Variants in YWHAE observed in about 807,000 individuals in gnomAD.
The protein encoded by YWHAE is 14-3-3 protein epsilon.
A neutral mutation model predicts 30.1 loss-of-function variants in YWHAE; 4 were observed. That is an observed-to-expected ratio of 0.13 (90% CI 0.07 to 0.30). The LOEUF (loss-of-function observed/expected upper bound fraction) is 0.30. YWHAE is among the 10% of genes least tolerant of loss of function. The pLI is 1.00. For missense variants in YWHAE, 121 were observed against 315.9 expected (o/e 0.38, Z 4.68); for synonymous variants, 118 against 111.8 (o/e 1.06, Z -0.35).
intron 4 of YWHAE, among the ~76,000 whole-genome samples, chr17:1,359,995 C>T (rs1030385274): frequency 6.6e-6 from 1 of 150,966 alleles, no homozygotes; most frequent in South Asian, 2.1e-4. Context: ...AAAAGTCTCA[C>T]TGTGTCACCC....
chr17:1,368,145 G>C (rs1233162172), intron 1 of YWHAE, among the ~76,000 whole-genome samples: 1 of 152,084 alleles, frequency 6.6e-6, no homozygotes. Flanking sequence ...CCAACACTTT[G>C]GGAGGCCGAG....
At chr17:1,399,878 T>G in intron 1 of YWHAE, 169 bp downstream of exon 1, 1 of 783,506 alleles carries the variant, frequency 1.3e-6, no homozygotes, top group Non-Finnish European at 2.2e-6. Flanking sequence ...TTCCAGGGCA[T>G]AGAGCCTCCC....
chr17:1,364,889 C>T lies in YWHAE; in HGVS notation c.234G>A (p.Lys78=), dbSNP rs750467382. Residue 78 remains lysine, a synonymous_variant, in exon 2 of 6, where the codon AAG becomes AAA. Coordinates refer to ENST00000264335, the MANE Select transcript of YWHAE (RefSeq NM_006761.5). The stretch of plus-strand genomic sequence containing the variant: ...GCCGATATTCCCGAATCATTTTTAG[C>T]TTGTCTTCTCCTCCCTTGTTTTCTT... The part of the protein sequence containing the change: ...QKEENKGGED[K]LKMIREYRQM... The T allele has an allele frequency of 2.5e-6, 4 of 1,614,070 alleles. No individual in the cohort carries two copies. The highest frequency in any genetic ancestry group is 1.3e-5 in the African/African-American group (1 of 75,046).
chr17:1,376,833 T>C (rs998386390), intron 1 of YWHAE, among the ~76,000 whole-genome samples: 1 of 152,090 alleles, frequency 6.6e-6, no homozygotes, highest in African/African-American at 2.4e-5. Flanking sequence ...AAAAGCAAAC[T>C]GTTCAGAATC....
intron 2 of YWHAE, among the ~76,000 whole-genome samples, chr17:1,364,338 T>C: frequency 6.6e-6 from 1 of 151,936 alleles, no homozygotes; most frequent in East Asian, 1.9e-4. Flanking sequence ...ACCATTCTCC[T>C]GCCTCAGCCT....
intron 1 of YWHAE, among the ~76,000 whole-genome samples, chr17:1,394,839 C>T (rs1182186471): frequency 6.7e-6 from 1 of 149,820 alleles, no homozygotes; most frequent in Non-Finnish European, 1.5e-5. Flanking sequence ...CGATGGCGGG[C>T]GCCTGTAGTC....
At chr17:1,396,910 C>T (rs1158879130) in intron 1 of YWHAE, among the ~76,000 whole-genome samples, 1 of 151,530 alleles carries the variant, frequency 6.6e-6, no homozygotes, top group African/African-American at 2.4e-5. Flanking sequence ...GCATGAGCCA[C>T]CGCACCTGGC....
chr17:1,365,331 T>C (rs926348746), intron 1 of YWHAE, among the ~76,000 whole-genome samples: 2 of 152,072 alleles, frequency 1.3e-5, no homozygotes, highest in East Asian at 1.9e-4. Flanking sequence ...AAAGCACCTC[T>C]CATTAAATAA....
chr17:1,354,991 TTTTTTTA>T, intron 4 of YWHAE, among the ~76,000 whole-genome samples: 1 of 111,528 alleles, frequency 9.0e-6, no homozygotes, highest in African/African-American at 4.5e-5. Flanking sequence ...TTTTTTTTTT[TTTTTTTA>T]AGGGATTCGT....
At chr17:1,366,017 ACTATC>A (rs1440577113) in intron 1 of YWHAE, among the ~76,000 whole-genome samples, 2 of 151,814 alleles carry the variant, frequency 1.3e-5, no homozygotes, top group Non-Finnish European at 1.5e-5. Context: ...AGAGATAAAG[ACTATC>A]CTGGCCAACA....
intron 1 of YWHAE, among the ~76,000 whole-genome samples, chr17:1,385,422 C>T (rs2073285553): frequency 6.6e-6 from 1 of 152,140 alleles, no homozygotes; most frequent in Non-Finnish European, 1.5e-5. Context: ...CGAAAAAGTA[C>T]ACCATACTGC....
chr17:1,364,848 A>G lies in YWHAE; in HGVS notation c.264+11T>C. ...TGTGGATAAGGGGGGATGATGGCAC[A>G]ACAATCTCACCATTTGCCGATATTC... is the stretch of plus-strand genomic sequence containing the variant. On this transcript the variant is annotated intron_variant, in intron 2 of 5. Transcript: ENST00000264335. 6.2e-7 allele frequency: 1 copy of G among 1,613,944 alleles called. No individual in the cohort carries two copies. Among genetic ancestry groups the G allele is most frequent in the South Asian group, 1.1e-5 (1 of 91,078 alleles).
chr17:1,360,783 G>A (rs1443504337), intron 4 of YWHAE, among the ~76,000 whole-genome samples: 1 of 151,954 alleles, frequency 6.6e-6, no homozygotes, highest in Non-Finnish European at 1.5e-5. Context: ...AAAAAAGACT[G>A]AAAACTAATA....
intron 1 of YWHAE, among the ~76,000 whole-genome samples, chr17:1,370,390 C>T (rs904766948): frequency 1.3e-5 from 2 of 151,850 alleles, no homozygotes; most frequent in Non-Finnish European, 2.9e-5. Flanking sequence ...CTTGGCCTCC[C>T]AAAGTGCTGG....
At chr17:1,375,916 C>T (rs1598256978) in intron 1 of YWHAE, among the ~76,000 whole-genome samples, 2 of 152,204 alleles carry the variant, frequency 1.3e-5, no homozygotes, top group Non-Finnish European at 2.9e-5. Context: ...GTTCATTCAA[C>T]AGACTTATTC....
At chr17:1,362,634 A>G (rs539277683) in intron 2 of YWHAE, among the ~76,000 whole-genome samples, 1 of 152,054 alleles carries the variant, frequency 6.6e-6, no homozygotes, top group African/African-American at 2.4e-5. Flanking sequence ...CATGCTGAAC[A>G]CGCACACCAC....
intron 1 of YWHAE, among the ~76,000 whole-genome samples, chr17:1,373,719 C>G (rs2073080584): frequency 6.6e-6 from 1 of 151,576 alleles, no homozygotes; most frequent in South Asian, 2.1e-4. Flanking sequence ...AAAATGTGAA[C>G]AGAGACAAGA....
At chr17:1,392,850 C>CA (rs545119578) in intron 1 of YWHAE, among the ~76,000 whole-genome samples, 2,105 of 128,248 alleles carry the variant, frequency 0.016, 11 homozygotes, top group South Asian at 0.02. Context: ...AAATCCATCT[C>CA]AAAAAAAAAA....
chr17:1,365,027 C>T lies in YWHAE; in HGVS notation c.96G>A (p.Gly32=), dbSNP rs756854004. 4 of 1,613,968 alleles carry T rather than the reference C, an allele frequency of 2.5e-6. No homozygotes were observed. The South Asian group carries it at 4.4e-5, about 18-fold the overall frequency. Reference sequence around the variant, plus strand: ...CTTCAACTGTCAGCTCCACATCCATCCCTGCTACTTTCTTCATTGACTCCA... The same window carrying T: ...CTTCAACTGTCAGCTCCACATCCATTCCTGCTACTTTCTTCATTGACTCCA... ...EMVESMKKVA[G]MDVELTVEER... The change falls in exon 2 of 6, where the codon GGG becomes GGA. Residue 32 remains glycine, a synonymous_variant. Coordinates refer to ENST00000264335, the MANE Select transcript of YWHAE (RefSeq NM_006761.5).
Sources: gnomAD v4.1 joint callset for allele counts (sites outside exome capture counted in the v4.1 genomes callset) on GRCh38, gnomAD v4.1.1 for gene constraint, MANE v1.5 for transcripts, NCBI Gene and HGNC (gene_info 2026-07-23, HGNC 2026-07-21) for gene names.